Variants in RILP observed in about 807,000 individuals in gnomAD.
The protein encoded by RILP is rab-interacting lysosomal protein.
RILP carries 53 observed loss-of-function variants against 40.0 expected under a neutral mutation model. The ratio of observed to expected loss-of-function variants is 1.32; its 90% CI spans 1.06 to 1.66. The LOEUF (loss-of-function observed/expected upper bound fraction) is 1.66, where lower values mean the gene tolerates loss of function less well. Ranked by LOEUF, RILP falls within the 40% of genes most tolerant of loss-of-function variation. The probability of loss-of-function intolerance (pLI) is 0.00; values close to 1 mark genes in which losing one functional copy is unlikely to be tolerated. For synonymous variants in RILP, 272 were observed against 250.6 expected, an observed-to-expected ratio of 1.09 and a Z score of -0.80; for missense variants, 626 against 551.7, an observed-to-expected ratio of 1.13 and a Z score of -1.35.
At position 1,648,587 on chromosome 17, in the gene RILP, C is replaced by T. The variant is rs1910750223; in HGVS notation, c.676-92G>A. ...GGGAATGCTAGAGGAAGTGACGGGC[C>T]GGGAGACTTGGGGGACAAGGGTGCC... On this transcript the variant is annotated intron_variant, in intron 4 of 7. Coordinates refer to ENST00000301336, the MANE Select transcript of RILP (RefSeq NM_031430.3). The surrounding 1 kb of genome is among the most constrained non-coding windows in gnomAD (Gnocchi z 4.9). 4 of 1,529,128 alleles carry T rather than the reference C, an allele frequency of 2.6e-6. No homozygotes were observed. Among genetic ancestry groups the T allele is most frequent in the Admixed American group, 2.0e-5 (1 of 50,352 alleles). 94.7% of individuals were successfully genotyped at this position (1,529,128 alleles called of 1,614,324 possible). A position where few individuals can be genotyped will look rare whatever the true frequency, so the allele number is the denominator to read the frequency against.
Position 1,649,857 on chromosome 17 carries a change from G to A in RILP, c.-53C>T, listed in dbSNP as rs1030047972. On this transcript the variant is annotated 5_prime_UTR_variant, in exon 1 of 8. Transcript: ENST00000301336. This position sits in a 1 kb window ranked among gnomAD's most constrained non-coding sequence, Gnocchi z 4.3. Reference sequence around the variant, plus strand: ...CCCCCACCCCACCCTCCACTGGGACGGGGAAAAGCGAAACAGTTCCGCCCC... The same window carrying A: ...CCCCCACCCCACCCTCCACTGGGACAGGGAAAAGCGAAACAGTTCCGCCCC... The A allele has an allele frequency of 2.1e-6, 3 of 1,406,074 alleles. No individual in the cohort carries two copies. The highest frequency in any genetic ancestry group is 5.0e-5 in the East Asian group (2 of 39,870). The allele number at this position is 1,406,074 out of a possible 1,614,324, so 87.1% of individuals were successfully genotyped here. A position where few individuals can be genotyped will look rare whatever the true frequency, so the allele number is the denominator to read the frequency against.
chr17:1,648,940 C>T lies in RILP; in HGVS notation c.534G>A (p.Glu178=). The part of the protein sequence containing the change: ...QLRAAQDRER[E]RQQPGEAATP... ...TCGCGGCTTCGCCAGGCTGCTGGCGCTCCCTCTCGCGGTCCTGCGCGGCGC... is the reference window on the plus strand; with the variant it reads ...TCGCGGCTTCGCCAGGCTGCTGGCGTTCCCTCTCGCGGTCCTGCGCGGCGC... The change falls in exon 4 of 8, where the codon GAG becomes GAA. Residue 178 remains glutamate (E), a synonymous_variant. Transcript: ENST00000301336. This position sits in a 1 kb window ranked among gnomAD's most constrained non-coding sequence, Gnocchi z 4.9. 1 of 1,520,806 alleles carries T rather than the reference C, an allele frequency of 6.6e-7. No individual in the cohort carries two copies. The highest frequency in any genetic ancestry group is 2.0e-5 in the Admixed American group (1 of 50,096). The allele number at this position is 1,520,806 out of a possible 1,614,324, so 94.2% of individuals were successfully genotyped here.
chr17:1,646,866 C>T lies in RILP; in HGVS notation c.1028+40G>A. 1 of 1,457,314 alleles carries T rather than the reference C, an allele frequency of 6.9e-7. No homozygotes were observed. The highest frequency in any genetic ancestry group is 9.4e-7 in the Non-Finnish European group (1 of 1,068,232). The allele number at this position is 1,457,314 out of a possible 1,614,324, so 90.3% of individuals were successfully genotyped here. A position where few individuals can be genotyped will look rare whatever the true frequency, so the allele number is the denominator to read the frequency against. On this transcript the variant is annotated intron_variant, in intron 7 of 7. Coordinates refer to ENST00000301336, the MANE Select transcript of RILP (RefSeq NM_031430.3). The surrounding 1 kb of genome is among the most constrained non-coding windows in gnomAD (Gnocchi z 4.3). ...AGAAGGACCAGCCAGGGCCCTTCCT[C>T]CCTCCCCACACTCTTGCCTTTCCCC...
In RILP at chr17:1,649,786, C is replaced by G. The variant is rs1212840967; in HGVS notation, c.19G>C (p.Ala7Pro). 11 of 1,554,082 alleles carry G rather than the reference C, an allele frequency of 7.1e-6. No individual in the cohort carries two copies. Among genetic ancestry groups the G allele is most frequent in the Non-Finnish European group, 9.5e-6 (11 of 1,156,764 alleles). MEPRRA[A>P]PGVPGWGSRE... ...GACCCCCAGCCAGGCACCCCGGGCG[C>G]CGCCCTCCTGGGCTCCATGTCTCCC... The change falls in exon 1 of 8, where the codon GCG becomes CCG. Residue 7 changes from alanine (A) to proline (P), a missense_variant. Physicochemically the swap from Ala to Pro is conservative, Grantham distance 27. Coordinates refer to ENST00000301336, the MANE Select transcript of RILP (RefSeq NM_031430.3). The surrounding 1 kb of genome is among the most constrained non-coding windows in gnomAD (Gnocchi z 4.3).
In RILP at chr17:1,649,748, C is replaced by T. The variant is rs1910872325; in HGVS notation, c.57G>A (p.Ala19=). Residue 19 remains alanine (A), a synonymous_variant, in exon 1 of 8, where the codon GCG becomes GCA. Transcript: ENST00000301336. The surrounding 1 kb of genome is among the most constrained non-coding windows in gnomAD (Gnocchi z 4.3). ...CAAGCTCCGCGGCCGATGCCGACCC[C>T]GCGGCCTCCCGAGACCCCCAGCCAG... The part of the protein sequence containing the change: ...GVPGWGSREA[A]GSASAAELVY... 2.5e-6 allele frequency: 4 copies of T among 1,587,296 alleles called. No individual in the cohort carries two copies. Among genetic ancestry groups the T allele is most frequent in the Middle Eastern group, 3.4e-4 (2 of 5,822 alleles).
At position 1,646,504 on chromosome 17, in the gene RILP, G is replaced by T; in HGVS notation, c.1144C>A (p.Pro382Thr). 1 of 1,613,236 alleles carries T rather than the reference G, an allele frequency of 6.2e-7. No individual in the cohort carries two copies. Among genetic ancestry groups the T allele is most frequent in the Non-Finnish European group, 8.5e-7 (1 of 1,179,610 alleles). Residue 382 changes from proline (P) to threonine (T), a missense_variant, in exon 8 of 8, where the codon CCG becomes ACG. Physicochemically the swap from Pro to Thr is conservative, Grantham distance 38. Coordinates refer to ENST00000301336, the MANE Select transcript of RILP (RefSeq NM_031430.3). This position sits in a 1 kb window ranked among gnomAD's most constrained non-coding sequence, Gnocchi z 4.3. ...TGTTCGTGGAGGGCAGAACAGGGCG[G>T]ATCAGGAGCTGGAGACTGTGGTTGG... is the stretch of plus-strand genomic sequence containing the variant. ...EAQPQSPAPD[P>T]PCSALHEHLC...
chr17:1,649,758 C>G lies in RILP; in HGVS notation c.47G>C (p.Arg16Pro), dbSNP rs772547225. The change falls in exon 1 of 8, where the codon CGG becomes CCG. Residue 16 changes from arginine to proline, a missense_variant. By Grantham distance (103) the Arg-to-Pro change is moderately radical. Coordinates refer to ENST00000301336, the MANE Select transcript of RILP (RefSeq NM_031430.3). This position sits in a 1 kb window ranked among gnomAD's most constrained non-coding sequence, Gnocchi z 4.3. Reference protein sequence around the residue: ...AAPGVPGWGSREAAGSASAAE... With the variant: ...AAPGVPGWGSPEAAGSASAAE... ...GGCCGATGCCGACCCCGCGGCCTCC[C>G]GAGACCCCCAGCCAGGCACCCCGGG... The G allele has an allele frequency of 1.4e-5, 22 of 1,585,608 alleles. 1 individual carries two copies. Among genetic ancestry groups the G allele is most frequent in the East Asian group, 2.3e-5 (1 of 44,146 alleles).
At chr17:1,647,801 G>T (rs62088049) in intron 6 of RILP, 34 bp downstream of exon 6, 51,677 of 1,613,048 alleles carry the variant, frequency 0.032, 951 homozygotes, top group Middle Eastern at 0.041. Flanking sequence ...AGGGAGGGAG[G>T]CCTGGCTCCG....
chr17:1,646,888 C>T lies in RILP; in HGVS notation c.1028+18G>A. The stretch of plus-strand genomic sequence containing the variant: ...CCTCCCTCCCCACACTCTTGCCTTT[C>T]CCCTTTCCCCAACATACAAACTCTG... On this transcript the variant is annotated intron_variant, in intron 7 of 7. Transcript: ENST00000301336. This position sits in a 1 kb window ranked among gnomAD's most constrained non-coding sequence, Gnocchi z 4.3. 6.4e-7 allele frequency: 1 copy of T among 1,558,332 alleles called. No individual in the cohort carries two copies. The highest frequency in any genetic ancestry group is 8.7e-7 in the Non-Finnish European group (1 of 1,146,578).
At chr17:1,647,811 G>C in intron 6 of RILP, 24 bp downstream of exon 6, 1 of 1,613,688 alleles carries the variant, frequency 6.2e-7, no homozygotes, top group Non-Finnish European at 8.5e-7. Flanking sequence ...GCCTGGCTCC[G>C]TGGGAATGCA....
rs538993568 is a variant in RILP, at chr17:1,647,918, G to A, written c.861C>T (p.Leu287=). 109 of 1,614,130 alleles carry A rather than the reference G, an allele frequency of 6.8e-5. No homozygotes were observed. The South Asian group carries it at 1.0e-3, about 15-fold the overall frequency. The change falls in exon 6 of 8, where the codon CTC becomes CTT. Residue 287 remains leucine, a synonymous_variant. Coordinates refer to ENST00000301336, the MANE Select transcript of RILP (RefSeq NM_031430.3). The stretch of plus-strand genomic sequence containing the variant: ...TCCGGACAGCCACCTTCATGGCCTC[G>A]AGCAGAAGGCCGGGGACCCGGTGGT... ...LTDHRVPGLL[L]EAMKVAVRKQ...
In RILP at chr17:1,648,718, G is replaced by A; in HGVS notation, c.675+81C>T. On this transcript the variant is annotated intron_variant, in intron 4 of 7. Transcript: ENST00000301336. This position sits in a 1 kb window ranked among gnomAD's most constrained non-coding sequence, Gnocchi z 4.9. ...CGCTTCCTGGCCGACCTGCTGTGCA[G>A]CATGCAAACCTTGCTTGAGTGCCCA... is the stretch of plus-strand genomic sequence containing the variant. 7.0e-7 allele frequency: 1 copy of A among 1,435,182 alleles called. No homozygotes were observed. The highest frequency in any genetic ancestry group is 1.5e-5 in the South Asian group (1 of 67,982). The allele number at this position is 1,435,182 out of a possible 1,614,324, so 88.9% of individuals were successfully genotyped here.
intron 6 of RILP, 95 bp from the exon 7 acceptor site, chr17:1,647,084 C>T (rs1454045327): frequency 2.7e-6 from 2 of 747,056 alleles, no homozygotes; most frequent in Non-Finnish European, 4.1e-6. Context: ...CTGCAGGGCC[C>T]CCGGGGCTGG....
chr17:1,648,237 T>A lies in RILP; in HGVS notation c.821+113A>T, dbSNP rs571079116. The A allele has an allele frequency of 7.3e-7, 1 of 1,368,920 alleles. No homozygotes were observed. The highest frequency in any genetic ancestry group is 2.1e-5 in the Admixed American group (1 of 46,882). The allele number at this position is 1,368,920 out of a possible 1,614,324, so 84.8% of individuals were successfully genotyped here. A position where few individuals can be genotyped will look rare whatever the true frequency, so the allele number is the denominator to read the frequency against. The stretch of plus-strand genomic sequence containing the variant: ...TTGCAGGAGGGCAAGGGCTGTACAA[T>A]TCATGTCCTCCCAGTTCCCAGCGCA... On this transcript the variant is annotated intron_variant, in intron 5 of 7. Transcript: ENST00000301336. The surrounding 1 kb of genome is among the most constrained non-coding windows in gnomAD (Gnocchi z 4.9).
rs770454272 is a variant in RILP, at chr17:1,646,414, C to T, written c.*28G>A. On this transcript the variant is annotated 3_prime_UTR_variant, in exon 8 of 8. Coordinates refer to ENST00000301336, the MANE Select transcript of RILP (RefSeq NM_031430.3). The surrounding 1 kb of genome is among the most constrained non-coding windows in gnomAD (Gnocchi z 4.3). The stretch of plus-strand genomic sequence containing the variant: ...GGAGCCCTGTCCTCATTTGAGGCCA[C>T]ACATCCTTCCACAGCCAGACCCCTA... The T allele has an allele frequency of 1.3e-6, 2 of 1,529,900 alleles. No homozygotes were observed. Among genetic ancestry groups the T allele is most frequent in the African/African-American group, 1.4e-5 (1 of 72,232 alleles). 94.8% of individuals were successfully genotyped at this position (1,529,900 alleles called of 1,614,324 possible).
Position 1,649,536 on chromosome 17 carries a change from C to G in RILP, c.229-31G>C. ...GAGACCCGGGTCTCAGGCTTCGGCC[C>G]TGCCGGCCCCGTGGGTGGCGAAGGG... On this transcript the variant is annotated intron_variant, in intron 1 of 7. Coordinates refer to ENST00000301336, the MANE Select transcript of RILP (RefSeq NM_031430.3). This position sits in a 1 kb window ranked among gnomAD's most constrained non-coding sequence, Gnocchi z 4.3. 3 of 1,507,378 alleles carry G rather than the reference C, an allele frequency of 2.0e-6. No individual in the cohort carries two copies. Among genetic ancestry groups the G allele is most frequent in the South Asian group, 2.5e-5 (2 of 80,400 alleles). The allele number at this position is 1,507,378 out of a possible 1,614,324, so 93.4% of individuals were successfully genotyped here.
chr17:1,648,588 G>A lies in RILP; in HGVS notation c.676-93C>T, dbSNP rs1224348559. On this transcript the variant is annotated intron_variant, in intron 4 of 7. Transcript: ENST00000301336. The surrounding 1 kb of genome is among the most constrained non-coding windows in gnomAD (Gnocchi z 4.9). ...GGAATGCTAGAGGAAGTGACGGGCCGGGAGACTTGGGGGACAAGGGTGCCC... is the reference window on the plus strand; with the variant it reads ...GGAATGCTAGAGGAAGTGACGGGCCAGGAGACTTGGGGGACAAGGGTGCCC... The A allele has an allele frequency of 2.6e-5, 40 of 1,516,448 alleles. No homozygotes were observed. In the Admixed American group the frequency reaches 4.5e-4, roughly 17 times the overall value. 93.9% of individuals were successfully genotyped at this position (1,516,448 alleles called of 1,614,324 possible). A position where few individuals can be genotyped will look rare whatever the true frequency, so the allele number is the denominator to read the frequency against.
chr17:1,646,980 C>T lies in RILP; in HGVS notation c.954G>A (p.Glu318=), dbSNP rs1039548390. The T allele has an allele frequency of 1.9e-6, 3 of 1,605,774 alleles. No individual in the cohort carries two copies. Among genetic ancestry groups the T allele is most frequent in the African/African-American group, 1.3e-5 (1 of 74,544 alleles). Residue 318 remains glutamate (E), a synonymous_variant, in exon 7 of 8, where the codon GAG becomes GAA. Coordinates refer to ENST00000301336, the MANE Select transcript of RILP (RefSeq NM_031430.3). The surrounding 1 kb of genome is among the most constrained non-coding windows in gnomAD (Gnocchi z 4.3). The part of the protein sequence containing the change: ...TPEEAESSED[E]AGPWILLSDD... ...CGGAGAGCAGGATCCATGGGCCAGCCTCATCCTCACTGAGACAGAGGAGAG... is the reference window on the plus strand; with the variant it reads ...CGGAGAGCAGGATCCATGGGCCAGCTTCATCCTCACTGAGACAGAGGAGAG...
chr17:1,649,500 C>A lies in RILP; in HGVS notation c.234G>T (p.Gln78His). 1.3e-6 allele frequency: 2 copies of A among 1,511,302 alleles called. No homozygotes were observed. Among genetic ancestry groups the A allele is most frequent in the Admixed American group, 2.1e-5 (1 of 48,320 alleles). 93.6% of individuals were successfully genotyped at this position (1,511,302 alleles called of 1,614,324 possible). ...CCTGCTCCGCCGGCTGCGCCGACACCTGCAGCTGGGGAGACCCGGGTCTCA... is the reference window on the plus strand; with the variant it reads ...CCTGCTCCGCCGGCTGCGCCGACACATGCAGCTGGGGAGACCCGGGTCTCA... Reference protein sequence around the residue: ...AAVGPAPDSLQVSAQPAEQEL... With the variant: ...AAVGPAPDSLHVSAQPAEQEL... The change falls in exon 2 of 8, where the codon CAG becomes CAT. Residue 78 changes from glutamine to histidine, a missense_variant. Transcript: ENST00000301336. This position sits in a 1 kb window ranked among gnomAD's most constrained non-coding sequence, Gnocchi z 4.3.
Sources: gnomAD v4.1 joint callset for allele counts on GRCh38, gnomAD v4.1.1 for gene constraint, Gnocchi (gnomAD v3.1) non-coding constraint, MANE v1.5 for transcripts, NCBI Gene and HGNC (gene_info 2026-07-23, HGNC 2026-07-21) for gene names.